SLC25A27: variants seen among roughly 807,000 people sequenced by gnomAD.
SLC25A27 encodes solute carrier family 25 member 27.
A neutral mutation model predicts 49.1 loss-of-function variants in SLC25A27; 35 were observed. The ratio of observed to expected loss-of-function variants is 0.71; its 90% CI spans 0.54 to 0.95. The LOEUF (loss-of-function observed/expected upper bound fraction) is 0.95. SLC25A27 is among the 40% of genes least tolerant of loss of function. The probability of loss-of-function intolerance (pLI) is 0.00; values close to 1 mark genes in which losing one functional copy is unlikely to be tolerated. For synonymous variants in SLC25A27, 144 were observed against 136.9 expected (o/e 1.05, Z -0.36); for missense variants, 339 against 397.1 (o/e 0.85, Z 1.24).
chr6:46,671,071 A>T, intron 7 of SLC25A27, 55 bp from the exon 8 acceptor site: 1 of 1,169,568 alleles, frequency 8.6e-7, no homozygotes, highest in Non-Finnish European at 1.2e-6. Flanking sequence ...ATTTTTATGT[A>T]CATATATATT....
chr6:46,654,111 G>C, intron 1 of SLC25A27: 3 of 985,302 alleles, frequency 3.0e-6, no homozygotes, highest in Non-Finnish European at 3.6e-6. Context: ...CCTTGAATGA[G>C]CAAGTAGCGT....
rs1041647850 is a variant in SLC25A27, at chr6:46,677,965, CTT to C, written c.*1512_*1513del. Reference sequence around the variant, plus strand: ...TTGCAGAGAATGTGAAGTTTAATCTCTTAAAATATTTAGATGGTCTACTTTTT... The same window carrying C: ...TTGCAGAGAATGTGAAGTTTAATCTCAAAATATTTAGATGGTCTACTTTTT... On this transcript the variant is annotated 3_prime_UTR_variant, in exon 9 of 9. Transcript: ENST00000371347. 1.0e-4 allele frequency: 15 copies of C among 145,922 alleles called. No individual in the cohort carries two copies. Among genetic ancestry groups the C allele is most frequent in the Admixed American group, 2.8e-4 (4 of 14,314 alleles). 9.0% of individuals were successfully genotyped at this position (145,922 alleles called of 1,614,324 possible). A position where few individuals can be genotyped will look rare whatever the true frequency, so the allele number is the denominator to read the frequency against.
chr6:46,671,533 T>G (rs766704491), intron 8 of SLC25A27, among the ~76,000 whole-genome samples: 60 of 152,044 alleles, frequency 3.9e-4, no homozygotes, highest in Non-Finnish European at 7.1e-4. Context: ...AGTCATATTT[T>G]AATACAATAT....
chr6:46,676,527 C>T lies in SLC25A27; in HGVS notation c.*73C>T, dbSNP rs1763796905. 4 of 1,610,806 alleles carry T rather than the reference C, an allele frequency of 2.5e-6. No individual in the cohort carries two copies. Among genetic ancestry groups the T allele is most frequent in the Non-Finnish European group, 3.4e-6 (4 of 1,178,038 alleles). Reference sequence around the variant, plus strand: ...AATATGGGCATCTGCAACACATACCCCCTATTATTTCTACCTCTTTAGGAA... The same window carrying T: ...AATATGGGCATCTGCAACACATACCTCCTATTATTTCTACCTCTTTAGGAA... On this transcript the variant is annotated 3_prime_UTR_variant, in exon 9 of 9. Coordinates refer to ENST00000371347, the MANE Select transcript of SLC25A27 (RefSeq NM_004277.5).
intron 3 of SLC25A27, among the ~76,000 whole-genome samples, chr6:46,659,335 C>T (rs1763086603): frequency 1.3e-5 from 2 of 152,132 alleles, no homozygotes; most frequent in South Asian, 4.1e-4. Flanking sequence ...GCTTTAGAGT[C>T]AGACAGGGAT....
At chr6:46,660,255 TAGAG>T (rs1204203616) in intron 3 of SLC25A27, among the ~76,000 whole-genome samples, 25 of 151,288 alleles carry the variant, frequency 1.7e-4, no homozygotes, top group Admixed American at 5.3e-4. Flanking sequence ...TGTGTGTGTA[TAGAG>T]AGAGAGAGAG....
chr6:46,676,487 G>A lies in SLC25A27; in HGVS notation c.*33G>A. The A allele has an allele frequency of 1.2e-6, 2 of 1,612,980 alleles. No individual in the cohort carries two copies. The highest frequency in any genetic ancestry group is 2.2e-5 in the South Asian group (2 of 90,924). ...AAGATGCAACCCTTAAAGATACAGT[G>A]TTCAGTATTATTGAAATATGGGCAT... On this transcript the variant is annotated 3_prime_UTR_variant, in exon 9 of 9. Coordinates refer to ENST00000371347, the MANE Select transcript of SLC25A27 (RefSeq NM_004277.5).
Position 46,676,111 on chromosome 6 carries a change from C to T in SLC25A27, c.901-272C>T, listed in dbSNP as rs1763774912. On this transcript the variant is annotated intron_variant, in intron 8 of 8. Coordinates refer to ENST00000371347, the MANE Select transcript of SLC25A27 (RefSeq NM_004277.5). ...CTACAACATGTCAACAGGCATTTGA[C>T]TGCTAAGCTTCAGTGGTCTCATCTG... Among the ~76,000 whole-genome samples the T allele has an allele frequency of 2.6e-5, 4 of 152,166 alleles. No homozygotes were observed. In the South Asian group the frequency reaches 8.3e-4, roughly 32 times the overall value.
At chr6:46,667,585 A>G (rs1022133034) in intron 5 of SLC25A27, among the ~76,000 whole-genome samples, 1 of 152,174 alleles carries the variant, frequency 6.6e-6, no homozygotes, top group African/African-American at 2.4e-5. Context: ...CTCCTGACTC[A>G]GGGTTAGAAA....
Position 46,670,231 on chromosome 6 carries a change from G to C in SLC25A27, c.797+4G>C, listed in dbSNP as rs538696093. 2.5e-6 allele frequency: 4 copies of C among 1,598,322 alleles called. No individual in the cohort carries two copies. Among genetic ancestry groups the C allele is most frequent in the African/African-American group, 1.3e-5 (1 of 74,666 alleles). Reference sequence around the variant, plus strand: ...AACCACGAGATAAACAAGGAAGGTAGATAAAAAGTCTTCAGTATCCATGTG... The same window carrying C: ...AACCACGAGATAAACAAGGAAGGTACATAAAAAGTCTTCAGTATCCATGTG... On this transcript the variant is annotated splice_donor_region_variant and intron_variant, in intron 7 of 8. Transcript: ENST00000371347.
At position 46,677,745 on chromosome 6, in the gene SLC25A27, G is replaced by A. The variant is rs945383118; in HGVS notation, c.*1291G>A. ...AACACAGAAAAACATGAAAAGCTCA[G>A]GCCCAAGAAAGGCCTTGGAGCCAGC... On this transcript the variant is annotated 3_prime_UTR_variant, in exon 9 of 9. Coordinates refer to ENST00000371347, the MANE Select transcript of SLC25A27 (RefSeq NM_004277.5). The A allele has an allele frequency of 6.6e-6, 1 of 152,484 alleles. No homozygotes were observed. Among genetic ancestry groups the A allele is most frequent in the Non-Finnish European group, 1.5e-5 (1 of 68,006 alleles). The allele number at this position is 152,484 out of a possible 1,614,324, so 9.4% of individuals were successfully genotyped here. A position where few individuals can be genotyped will look rare whatever the true frequency, so the allele number is the denominator to read the frequency against.
intron 2 of SLC25A27, among the ~76,000 whole-genome samples, chr6:46,658,141 T>C (rs550423713): frequency 9.2e-5 from 14 of 152,350 alleles, no homozygotes; most frequent in African/African-American, 2.9e-4. Context: ...TTAATATTTT[T>C]AAAGATTCAA....
chr6:46,666,429 A>G (rs923888209), intron 5 of SLC25A27, among the ~76,000 whole-genome samples: 6 of 152,228 alleles, frequency 3.9e-5, no homozygotes, highest in African/African-American at 1.4e-4. Flanking sequence ...GACTAATTAT[A>G]TGGTTCTAAG....
chr6:46,667,767 C>T (rs1330482366), intron 5 of SLC25A27, among the ~76,000 whole-genome samples: 2 of 152,194 alleles, frequency 1.3e-5, no homozygotes, highest in African/African-American at 4.8e-5. Context: ...TCTCTGTCCC[C>T]TTTCCTTACC....
At chr6:46,662,975 G>C (rs1763209890) in intron 4 of SLC25A27, among the ~76,000 whole-genome samples, 1 of 152,218 alleles carries the variant, frequency 6.6e-6, no homozygotes, top group Non-Finnish European at 1.5e-5. Flanking sequence ...TGCAGAAAGA[G>C]AGTAGCAAGG....
At chr6:46,658,442 C>A in intron 2 of SLC25A27, 1 of 414,886 alleles carries the variant, frequency 2.4e-6, no homozygotes, top group Non-Finnish European at 4.7e-6. Flanking sequence ...TCATTTCATA[C>A]GTTTGATGCT....
chr6:46,676,531 A>G lies in SLC25A27; in HGVS notation c.*77A>G. 2 of 1,610,438 alleles carry G rather than the reference A, an allele frequency of 1.2e-6. No homozygotes were observed. Among genetic ancestry groups the G allele is most frequent in the Non-Finnish European group, 1.7e-6 (2 of 1,177,828 alleles). ...TGGGCATCTGCAACACATACCCCCT[A>G]TTATTTCTACCTCTTTAGGAAGACA... On this transcript the variant is annotated 3_prime_UTR_variant, in exon 9 of 9. Transcript: ENST00000371347.
At position 46,668,801 on chromosome 6, in the gene SLC25A27, T is replaced by C. The variant is rs1308357407; in HGVS notation, c.704+8T>C. 3 of 1,527,766 alleles carry C rather than the reference T, an allele frequency of 2.0e-6. No individual in the cohort carries two copies. The highest frequency in any genetic ancestry group is 2.3e-5 in the East Asian group (1 of 44,436). The allele number at this position is 1,527,766 out of a possible 1,614,324, so 94.6% of individuals were successfully genotyped here. ...GACTCACGGTTTATCAAGGTAAGGATTGTTTTAGTTGGACTCTGTTTTTTT... is the reference window on the plus strand; with the variant it reads ...GACTCACGGTTTATCAAGGTAAGGACTGTTTTAGTTGGACTCTGTTTTTTT... On this transcript the variant is annotated splice_region_variant and intron_variant, in intron 6 of 8. Transcript: ENST00000371347.
chr6:46,668,433 G>T, intron 5 of SLC25A27, among the ~76,000 whole-genome samples: 1 of 151,938 alleles, frequency 6.6e-6, no homozygotes, highest in East Asian at 1.9e-4. Flanking sequence ...TACTTTTTTG[G>T]CTAAAAAAGT....
Sources: gnomAD v4.1 joint callset for allele counts (sites outside exome capture counted in the v4.1 genomes callset) on GRCh38, gnomAD v4.1.1 for gene constraint, MANE v1.5 for transcripts, NCBI Gene and HGNC (gene_info 2026-07-23, HGNC 2026-07-21) for gene names.